The following POR variants were observed in gnomAD, a reference collection of about 807,000 sequenced individuals.
POR encodes NADPH--cytochrome P450 reductase.
POR carries 56 observed loss-of-function variants against 84.0 expected under a neutral mutation model. The observed-to-expected ratio is 0.67, with a 90% CI of 0.54 to 0.83. POR has a LOEUF of 0.83. POR is among the 40% of genes least tolerant of loss of function. The probability of loss-of-function intolerance (pLI) is 0.00; values close to 1 mark genes in which losing one functional copy is unlikely to be tolerated. For missense variants in POR, 938 were observed against 944.3 expected (o/e 0.99, Z 0.09); for synonymous variants, 414 against 400.5 (o/e 1.03, Z -0.40).
At chr7:75,946,358 C>T (rs1461965177) in intron 1 of POR, among the ~76,000 whole-genome samples, 2 of 151,988 alleles carry the variant, frequency 1.3e-5, no homozygotes, top group Non-Finnish European at 2.9e-5. Flanking sequence ...GTGATTATGG[C>T]TCACCGCAAC....
At chr7:75,927,956 T>C (rs1807220030) in intron 1 of POR, among the ~76,000 whole-genome samples, 2 of 149,254 alleles carry the variant, frequency 1.3e-5, no homozygotes, top group Non-Finnish European at 3.0e-5. Flanking sequence ...TCCCAGTCTC[T>C]ATCTCAGGTT....
In POR at chr7:75,932,942, C is replaced by T. The variant is rs782640856; in HGVS notation, c.-5+17763C>T. On this transcript the variant is annotated intron_variant, in intron 1 of 15. Coordinates refer to ENST00000461988, the MANE Select transcript of POR (RefSeq NM_000941.3). ...CCGAGGCAGGAAAATCCCTTGAACT[C>T]GGGAGGTGGAGGTTGCAGTGAGCTG... 2.7e-5 allele frequency among the ~76,000 whole-genome samples: 4 copies of T among 150,460 alleles called. No homozygotes were observed. The South Asian group carries it at 6.3e-4, about 24-fold the overall frequency.
intron 1 of POR, among the ~76,000 whole-genome samples, chr7:75,952,651 G>A (rs1320893461): frequency 2.4e-4 from 37 of 151,272 alleles, no homozygotes; most frequent in Admixed American, 1.4e-3. Context: ...ATGGGGTCGC[G>A]GCCGGGCAGA....
At chr7:75,980,846 G>A in intron 5 of POR, 3 of 1,108,688 alleles carry the variant, frequency 2.7e-6, no homozygotes, top group South Asian at 3.3e-5. Flanking sequence ...GGACGGGGCA[G>A]GCTGTGGGCT....
intron 1 of POR, among the ~76,000 whole-genome samples, chr7:75,923,829 G>A (rs1380285564): frequency 1.3e-5 from 2 of 151,744 alleles, no homozygotes; most frequent in African/African-American, 2.4e-5. Context: ...CGGAGGTTGT[G>A]GTGAGCCAAG....
rs1205635152 is a variant in POR, at chr7:75,986,642, G to T, written c.*161G>T. 9.1e-6 allele frequency: 8 copies of T among 882,984 alleles called. No individual in the cohort carries two copies. Among genetic ancestry groups the T allele is most frequent in the Non-Finnish European group, 1.4e-5 (8 of 591,550 alleles). 54.7% of individuals were successfully genotyped at this position (882,984 alleles called of 1,614,324 possible). ...TGGGGTGCATCCTCCTCAGCCCCCA[G>T]GCCAGGTGAGGTCCACCGGCCCCTG... is the stretch of plus-strand genomic sequence containing the variant. On this transcript the variant is annotated 3_prime_UTR_variant, in exon 16 of 16. Transcript: ENST00000461988.
chr7:75,949,991 T>A (rs529458782), intron 1 of POR, among the ~76,000 whole-genome samples: 1 of 152,014 alleles, frequency 6.6e-6, no homozygotes, highest in Non-Finnish European at 1.5e-5. Context: ...CCTCCTCCTG[T>A]TTCTGGGACT....
At chr7:75,923,097 A>G in intron 1 of POR, 1 of 741,906 alleles carries the variant, frequency 1.3e-6, no homozygotes. Context: ...CTAAAAATGC[A>G]GCGTATAGTA....
intron 3 of POR, among the ~76,000 whole-genome samples, chr7:75,979,060 G>A (rs1378892666): frequency 2.6e-5 from 4 of 152,050 alleles, no homozygotes; most frequent in African/African-American, 7.3e-5. Flanking sequence ...GCCTCCCAAA[G>A]TGCTGGGATC....
chr7:75,980,575 CTCCA>C, intron 5 of POR, 87 bp downstream of exon 5: 1 of 1,611,216 alleles, frequency 6.2e-7, no homozygotes, highest in Non-Finnish European at 8.5e-7. Context: ...AAAGGCAGCC[CTCCA>C]GACCCCCACC....
chr7:75,966,166 C>T (rs1788172583), intron 2 of POR, among the ~76,000 whole-genome samples: 1 of 152,176 alleles, frequency 6.6e-6, no homozygotes, highest in Admixed American at 6.5e-5. Context: ...ATGCAGTAGG[C>T]ACTCAGTAAG....
intron 3 of POR, among the ~76,000 whole-genome samples, chr7:75,977,354 T>TC (rs1349766037): frequency 6.6e-6 from 1 of 152,200 alleles, no homozygotes; most frequent in African/African-American, 2.4e-5. Flanking sequence ...CTGAAACTGT[T>TC]GAGTTCAGGA....
At chr7:75,937,915 A>G (rs1245018918) in intron 1 of POR, among the ~76,000 whole-genome samples, 1 of 152,194 alleles carries the variant, frequency 6.6e-6, no homozygotes, top group Non-Finnish European at 1.5e-5. Flanking sequence ...TATCCATGCA[A>G]TGCCCTGGAG....
intron 1 of POR, among the ~76,000 whole-genome samples, chr7:75,922,011 T>C (rs782394908): frequency 6.6e-6 from 1 of 152,196 alleles, no homozygotes; most frequent in African/African-American, 2.4e-5. Context: ...CCGGTCACTG[T>C]CACTGTCTTA....
intron 1 of POR, among the ~76,000 whole-genome samples, chr7:75,918,260 C>G (rs543639137): frequency 6.6e-6 from 1 of 152,092 alleles, no homozygotes; most frequent in Non-Finnish European, 1.5e-5. Context: ...GAGCCGAGAT[C>G]GTGCTGCTGC....
intron 1 of POR, among the ~76,000 whole-genome samples, chr7:75,940,882 C>T (rs142459848): frequency 1.4e-3 from 209 of 152,222 alleles, no homozygotes; most frequent in African/African-American, 4.8e-3. Context: ...ATGCAGGGGC[C>T]GGGTGTGCTG....
rs781831773 is a variant in POR at position 75,983,778 on chromosome 7, G to A, written c.988G>A (p.Asp330Asn). The A allele has an allele frequency of 2.0e-5, 32 of 1,612,332 alleles. No individual in the cohort carries two copies. In the Middle Eastern group the frequency reaches 4.9e-4, roughly 25 times the overall value. ...CCACGTGGCTGTGTACCCAGCCAAC[G>A]ACTCTGCTCTCGTCAACCAGCTGGG... The change falls in exon 10 of 16, where the codon GAC (aspartate) becomes AAC (asparagine). Residue 330 changes from aspartate (D) to asparagine (N), a missense_variant. Asp to Asn is a conservative substitution (Grantham distance 23, BLOSUM62 1). Transcript: ENST00000461988.
chr7:75,985,365 G>A (rs919490392), intron 12 of POR, 158 bp downstream of exon 12: 2 of 1,176,426 alleles, frequency 1.7e-6, no homozygotes, highest in Non-Finnish European at 2.3e-6. Context: ...TGTGGACTCA[G>A]TCGGGCTGGC....
intron 9 of POR, 32 bp from the exon 10 acceptor site, chr7:75,983,706 C>T (rs781796073): frequency 4.3e-6 from 7 of 1,609,702 alleles, no homozygotes; most frequent in Non-Finnish European, 5.1e-6. Flanking sequence ...GGCCAGCCTT[C>T]CGCCCCTCCC....
Sources: gnomAD v4.1 joint callset for allele counts (sites outside exome capture counted in the v4.1 genomes callset) on GRCh38, gnomAD v4.1.1 for gene constraint, MANE v1.5 for transcripts, NCBI Gene and HGNC (gene_info 2026-07-23, HGNC 2026-07-21) for gene names.